USP9X: variants seen among roughly 807,000 people sequenced by gnomAD.
USP9X encodes the protein ubiquitin specific peptidase 9 X-linked, also known as ubiquitin carboxyl-terminal hydrolase 9X.
In USP9X, 7 loss-of-function variants were observed where a neutral mutation model predicts 190.3. That is an observed-to-expected ratio of 0.04 (90% CI 0.02 to 0.07). USP9X has a LOEUF of 0.07. Among genes scored for constraint, USP9X ranks in the 10% least tolerant of loss-of-function variants. The probability of loss-of-function intolerance (pLI) is 1.00; values close to 1 mark genes in which losing one functional copy is unlikely to be tolerated. For missense variants in USP9X, 1,010 were observed against 1,916.9 expected, an observed-to-expected ratio of 0.53 and a Z score of 8.83; for synonymous variants, 645 against 659.5, an observed-to-expected ratio of 0.98 and a Z score of 0.34.
intron 32 of USP9X, among the ~76,000 whole-genome samples, chrX:41,210,104 A>G (rs1419963419): frequency 8.9e-6 from 1 of 112,404 alleles, no homozygotes; most frequent in Admixed American, 9.4e-5. Flanking sequence ...AAGCAAAATG[A>G]AAGAAATAAA....
intron 3 of USP9X, 108 bp from the exon 4 acceptor site, chrX:41,131,349 T>C: frequency 1.8e-6 from 1 of 555,662 alleles, no homozygotes; most frequent in South Asian, 5.8e-5. Context: ...TATTTTAATA[T>C]TAATATTAAA....
intron 11 of USP9X, among the ~76,000 whole-genome samples, chrX:41,147,450 GTTT>G (rs760854080): frequency 0.11 from 7,694 of 69,073 alleles, 236 homozygotes; most frequent in East Asian, 0.18. Context: ...CTTAATCGTT[GTTT>G]TTTTTTTTTT....
intron 14 of USP9X, among the ~76,000 whole-genome samples, chrX:41,157,369 C>T (rs1321589458): frequency 9.0e-6 from 1 of 110,743 alleles, no homozygotes; most frequent in Non-Finnish European, 1.9e-5. Context: ...CACAGACATG[C>T]AGTGGTAAAG....
intron 14 of USP9X, among the ~76,000 whole-genome samples, chrX:41,154,265 A>G (rs1241909219): frequency 1.8e-5 from 2 of 111,454 alleles, no homozygotes; most frequent in African/African-American, 3.3e-5. Context: ...GATCAAGGCA[A>G]TACAACCATG....
chrX:41,086,144 C>T (rs1257783370), intron 1 of USP9X, 35 bp downstream of exon 1: 6 of 294,352 alleles, frequency 2.0e-5, no homozygotes, highest in Non-Finnish European at 2.9e-5. Context: ...GACGCTCTTT[C>T]CCGGGGCCAA....
chrX:41,140,916 A>G (rs985587863), intron 7 of USP9X, 50 bp from the exon 8 acceptor site: 1 of 1,127,362 alleles, frequency 8.9e-7, no homozygotes, highest in African/African-American at 1.9e-5. Flanking sequence ...TCCTAAATTG[A>G]TTTTAAGAAA....
In USP9X at chrX:41,201,966, G is replaced by A. The variant is rs558634779; in HGVS notation, c.4824+686G>A. ...AGCCTAGGTGACAGAGCGAGACTCC[G>A]TCTCAAAAAAAAAAAGCAACAGTTA... On this transcript the variant is annotated intron_variant, in intron 31 of 44. Coordinates refer to ENST00000378308, the MANE Select transcript of USP9X (RefSeq NM_001039591.3). 1.1e-3 allele frequency among the ~76,000 whole-genome samples: 116 copies of A among 110,452 alleles called. 1 individual carries two copies. In the South Asian group the frequency reaches 0.019, roughly 18 times the overall value.
chrX:41,120,840 GTT>G (rs772931570), intron 1 of USP9X, among the ~76,000 whole-genome samples: 5 of 90,043 alleles, frequency 5.6e-5, no homozygotes, highest in Non-Finnish European at 2.2e-5. Flanking sequence ...CTTTAGTCAA[GTT>G]TTTTTTTTTT....
At chrX:41,162,551 C>G (rs1482135540) in intron 14 of USP9X, among the ~76,000 whole-genome samples, 2 of 112,017 alleles carry the variant, frequency 1.8e-5, no homozygotes, top group Non-Finnish European at 3.8e-5. Flanking sequence ...AGGGGTTGTG[C>G]TGAATAATTA....
chrX:41,119,591 G>T (rs952012552), intron 1 of USP9X, among the ~76,000 whole-genome samples: 3 of 111,699 alleles, frequency 2.7e-5, no homozygotes, highest in Non-Finnish European at 3.8e-5. Flanking sequence ...ACAAGAAAAA[G>T]AAGAAACTGG....
At chrX:41,144,715 T>C in intron 11 of USP9X, 89 bp downstream of exon 11, 3 of 749,313 alleles carry the variant, frequency 4.0e-6, no homozygotes, top group Non-Finnish European at 5.9e-6. Flanking sequence ...CAATAAATAC[T>C]TAAATAGAAA....
intron 11 of USP9X, among the ~76,000 whole-genome samples, chrX:41,146,004 T>C (rs1305981342): frequency 8.9e-6 from 1 of 111,900 alleles, no homozygotes; most frequent in East Asian, 2.8e-4. Flanking sequence ...AAAGCAAAAC[T>C]TAAATACTTT....
At position 41,186,631 on chromosome X, in the gene USP9X, A is replaced by G. The variant is rs1483982574; in HGVS notation, c.3673A>G (p.Ile1225Val). 8.3e-7 allele frequency: 1 copy of G among 1,210,613 alleles called. No individual in the cohort carries two copies. Among genetic ancestry groups the G allele is most frequent in the Non-Finnish European group, 1.1e-6 (1 of 895,008 alleles). The change falls in exon 24 of 45, where the codon ATA becomes GTA. Residue 1225 changes from isoleucine to valine, a missense_variant. Ile to Val is a conservative substitution (Grantham distance 29, BLOSUM62 3). This residue lies in a region of USP9X where 351 missense variants were observed against 480.8 expected (regional missense o/e 0.73). Coordinates refer to ENST00000378308, the MANE Select transcript of USP9X (RefSeq NM_001039591.3). ...TGTGTCAGTTCGTCTTGCTCAGCAG[A>G]TATCTGATGAGGTTAGTTTTATCAA... ...RNVSVRLAQQISDEASRYMPD... is the reference protein window; with the variant it reads ...RNVSVRLAQQVSDEASRYMPD...
chrX:41,105,420 C>A (rs180693159), intron 1 of USP9X, among the ~76,000 whole-genome samples: 2 of 111,971 alleles, frequency 1.8e-5, no homozygotes, highest in East Asian at 5.6e-4. Flanking sequence ...CTTTTGTGAC[C>A]GCTTTATTTC....
At position 41,123,639 on chromosome X, in the gene USP9X, C is replaced by T. The variant is rs1413694448; in HGVS notation, c.11C>T (p.Thr4Met). 1 of 1,211,052 alleles carries T rather than the reference C, an allele frequency of 8.3e-7. No individual in the cohort carries two copies. Among genetic ancestry groups the T allele is most frequent in the Non-Finnish European group, 1.1e-6 (1 of 895,043 alleles). The stretch of plus-strand genomic sequence containing the variant: ...TGCCCTGTGTCGAGTATGACAGCCA[C>T]GACTCGTGGCTCTCCGGTCGGAGGG... MTA[T>M]TRGSPVGGND... The change falls in exon 2 of 45, where the codon ACG (threonine) becomes ATG (methionine). Residue 4 changes from threonine to methionine, a missense_variant. By Grantham distance (81) the Thr-to-Met change is moderately conservative. Transcript: ENST00000378308.
intron 1 of USP9X, among the ~76,000 whole-genome samples, chrX:41,105,500 G>A (rs1415923705): frequency 1.8e-5 from 2 of 111,982 alleles, no homozygotes; most frequent in Non-Finnish European, 3.8e-5. Context: ...TCTAAAGCTG[G>A]ATTATTTTCC....
chrX:41,162,572 C>T (rs1207496382), intron 14 of USP9X, among the ~76,000 whole-genome samples: 1 of 112,002 alleles, frequency 8.9e-6, no homozygotes, highest in African/African-American at 3.2e-5. Context: ...TTTTTGATAG[C>T]ATATTTAACA....
intron 4 of USP9X, 117 bp downstream of exon 4, chrX:41,131,653 T>C: frequency 1.8e-6 from 1 of 559,743 alleles, no homozygotes; most frequent in Non-Finnish European, 2.7e-6. Flanking sequence ...TACTGCAGCT[T>C]GCAAGGAGGG....
Position 41,170,643 on chromosome X carries a change from A to G in USP9X, c.3027+24A>G, listed in dbSNP as rs752066370. 182 of 1,193,016 alleles carry G rather than the reference A, an allele frequency of 1.5e-4. 1 individual carries two copies. The highest frequency in any genetic ancestry group is 1.8e-5 in the African/African-American group (1 of 56,582). ...TGGTGAGTAGATACAGTTTTGAACTACTGTATGTAAGGCATCATGCTAGGG... is the reference window on the plus strand; with the variant it reads ...TGGTGAGTAGATACAGTTTTGAACTGCTGTATGTAAGGCATCATGCTAGGG... On this transcript the variant is annotated intron_variant, in intron 20 of 44. Transcript: ENST00000378308.
Sources: allele counts gnomAD v4.1 joint callset (sites outside exome capture counted in the v4.1 genomes callset), GRCh38; gene constraint gnomAD v4.1.1; regional missense constraint gnomAD v4.1.1; transcripts MANE v1.5; gene names NCBI Gene and HGNC (gene_info 2026-07-23, HGNC 2026-07-21).